Variants in STK32B observed in about 807,000 individuals in gnomAD.
STK32B encodes serine/threonine kinase 32B, also known as serine/threonine-protein kinase 32B.
In STK32B, 43 loss-of-function variants were observed where a neutral mutation model predicts 52.6. The ratio of observed to expected loss-of-function variants is 0.82; its 90% CI spans 0.64 to 1.05. STK32B has a LOEUF of 1.05. Among genes scored for constraint, STK32B ranks in the 50% least tolerant of loss-of-function variants. STK32B has a pLI of 0.00. For synonymous variants in STK32B, 238 were observed against 204.3 expected, an observed-to-expected ratio of 1.17 and a Z score of -1.41; for missense variants, 621 against 534.6, an observed-to-expected ratio of 1.16 and a Z score of -1.59.
intron 3 of STK32B, among the ~76,000 whole-genome samples, chr4:5,246,827 C>A (rs1234732770): frequency 6.6e-6 from 1 of 152,170 alleles, no homozygotes; most frequent in Non-Finnish European, 1.5e-5. Context: ...TTGGAGTTTA[C>A]TGGAGGTCCA....
At chr4:5,142,992 T>G (rs1233250479) in intron 2 of STK32B, among the ~76,000 whole-genome samples, 3 of 152,206 alleles carry the variant, frequency 2.0e-5, no homozygotes, top group African/African-American at 7.2e-5. Flanking sequence ...TCAACTCTTT[T>G]CTGGATTTCC....
intron 1 of STK32B, among the ~76,000 whole-genome samples, chr4:5,089,366 G>A (rs1712922105): frequency 6.6e-6 from 1 of 152,068 alleles, no homozygotes; most frequent in African/African-American, 2.4e-5. Flanking sequence ...GCCCTGGTGT[G>A]TGTTGTTCCC....
chr4:5,265,954 G>T (rs1490323360), intron 3 of STK32B, among the ~76,000 whole-genome samples: 6 of 152,094 alleles, frequency 3.9e-5, no homozygotes, highest in African/African-American at 1.4e-4. Flanking sequence ...AATATTTGGT[G>T]ATATATTAAA....
chr4:5,216,141 G>C (rs1723169063), intron 3 of STK32B, among the ~76,000 whole-genome samples: 1 of 152,168 alleles, frequency 6.6e-6, no homozygotes, highest in Non-Finnish European at 1.5e-5. Context: ...GCTTGTTAAA[G>C]ACCAGATCAC....
intron 3 of STK32B, among the ~76,000 whole-genome samples, chr4:5,282,378 G>A (rs1266060071): frequency 6.6e-6 from 1 of 152,092 alleles, no homozygotes; most frequent in African/African-American, 2.4e-5. Flanking sequence ...TGCATCTGTG[G>A]ATACAGAGGG....
chr4:5,139,799 C>A, intron 1 of STK32B, 106 bp from the exon 2 acceptor site: 1 of 1,326,242 alleles, frequency 7.5e-7, no homozygotes, highest in Non-Finnish European at 1.1e-6. Context: ...TGCACCTGAC[C>A]CAAGAGCCTT....
chr4:5,373,089 G>T (rs1426849927), intron 4 of STK32B, among the ~76,000 whole-genome samples: 1 of 152,188 alleles, frequency 6.6e-6, no homozygotes, highest in African/African-American at 2.4e-5. Flanking sequence ...AGGGGAGAAA[G>T]CTTTGAAACT....
rs1465498578 is a variant in STK32B, at chr4:5,431,488, T to C, written c.562+14554T>C. 3.4e-5 allele frequency among the ~76,000 whole-genome samples: 5 copies of C among 145,146 alleles called. No individual in the cohort carries two copies. In the Admixed American group the frequency reaches 3.6e-4, roughly 10 times the overall value. ...GTGCTTCCAGTTAGAACATCATTTC[T>C]CCATGAAAACTTCCAAAAGTCCTTT... On this transcript the variant is annotated intron_variant, in intron 6 of 11. Transcript: ENST00000282908.
At chr4:5,348,937 A>G (rs1217220212) in intron 4 of STK32B, among the ~76,000 whole-genome samples, 1 of 152,110 alleles carries the variant, frequency 6.6e-6, no homozygotes, top group East Asian at 1.9e-4. Flanking sequence ...TGCCACTACC[A>G]TCACAGCAGG....
At chr4:5,228,334 A>G (rs577615237) in intron 3 of STK32B, among the ~76,000 whole-genome samples, 37 of 152,288 alleles carry the variant, frequency 2.4e-4, no homozygotes, top group African/African-American at 7.2e-4. Flanking sequence ...AAGGGTTGCT[A>G]TATGTCAATA....
At chr4:5,330,387 A>ATG (rs1298317010) in intron 3 of STK32B, among the ~76,000 whole-genome samples, 4 of 152,206 alleles carry the variant, frequency 2.6e-5, no homozygotes, top group African/African-American at 9.7e-5. Flanking sequence ...GAAAGCCCAA[A>ATG]TGCATTTTGT....
chr4:5,408,000 G>A (rs1737789800), intron 5 of STK32B, among the ~76,000 whole-genome samples: 1 of 152,124 alleles, frequency 6.6e-6, no homozygotes, highest in African/African-American at 2.4e-5. Context: ...GCAAGAAGTT[G>A]CCACCTCTGA....
rs1741783842 is a variant in STK32B at position 5,051,621 on chromosome 4, C to G, written c.-243C>G. 1 of 513,940 alleles carries G rather than the reference C, an allele frequency of 1.9e-6. No individual in the cohort carries two copies. Among genetic ancestry groups the G allele is most frequent in the Non-Finnish European group, 3.4e-6 (1 of 298,282 alleles). 31.8% of individuals were successfully genotyped at this position (513,940 alleles called of 1,614,324 possible). On this transcript the variant is annotated 5_prime_UTR_variant, in exon 1 of 12. Transcript: ENST00000282908. ...GGAGTAAGGAGCTGCGAGCGCAGCC[C>G]GAGGCGGGGCACGGCGGAAGGCGCG...
chr4:5,458,389 C>T (rs894467012), intron 8 of STK32B, among the ~76,000 whole-genome samples: 1 of 152,162 alleles, frequency 6.6e-6, no homozygotes, highest in Non-Finnish European at 1.5e-5. Context: ...CATACGATGG[C>T]TCTTCTCCCT....
At chr4:5,427,766 T>C (rs1291481045) in intron 6 of STK32B, among the ~76,000 whole-genome samples, 3 of 152,158 alleles carry the variant, frequency 2.0e-5, no homozygotes, top group Non-Finnish European at 4.4e-5. Flanking sequence ...CAGTCCTGAA[T>C]TGGTAATTGA....
the STK32B span, among the ~76,000 whole-genome samples, chr4:5,023,890 C>A: frequency 6.6e-6 from 1 of 152,206 alleles, no homozygotes. Context: ...GGAACACAAC[C>A]CTTCCTGGGA....
At chr4:5,084,033 A>T (rs1007405269) in intron 1 of STK32B, among the ~76,000 whole-genome samples, 1 of 152,170 alleles carries the variant, frequency 6.6e-6, no homozygotes, top group South Asian at 2.1e-4. Context: ...CACCATGCCC[A>T]GTCTGTTACC....
chr4:5,482,179 A>G (rs1718772573), intron 11 of STK32B, among the ~76,000 whole-genome samples: 1 of 152,152 alleles, frequency 6.6e-6, no homozygotes, highest in Admixed American at 6.6e-5. Flanking sequence ...CTTGGGCAGT[A>G]TGGCCATTTT....
upstream of STK32B, among the ~76,000 whole-genome samples, chr4:5,048,128 T>G (rs145621094): frequency 3.3e-3 from 508 of 151,976 alleles, 3 homozygotes; most frequent in African/African-American, 0.012. Context: ...TCTGTTTTTT[T>G]TTTTTACTTG....
Sources: allele counts gnomAD v4.1 joint callset (sites outside exome capture counted in the v4.1 genomes callset), GRCh38; gene constraint gnomAD v4.1.1; transcripts MANE v1.5; gene names NCBI Gene and HGNC (gene_info 2026-07-23, HGNC 2026-07-21).